Variants in CSMD1 observed in about 807,000 individuals in gnomAD.
CSMD1 encodes the protein CUB and sushi domain-containing protein 1.
CSMD1 carries 213 observed loss-of-function variants against 417.5 expected under a neutral mutation model. The observed-to-expected ratio is 0.51, with a 90% CI of 0.46 to 0.57. The LOEUF is 0.57. Ranked by LOEUF, CSMD1 falls within the 20% of genes least tolerant of loss-of-function variation. The probability of loss-of-function intolerance (pLI) is 0.00; values close to 1 mark genes in which losing one functional copy is unlikely to be tolerated. For missense variants in CSMD1, 6,923 were observed against 4,529.7 expected, an observed-to-expected ratio of 1.53 and a Z score of -15.17; for synonymous variants, 2,862 against 1,736.8, an observed-to-expected ratio of 1.65 and a Z score of -16.11.
chr8:3,613,291 T>C (rs1257806214), intron 8 of CSMD1: 3 of 422,596 alleles, frequency 7.1e-6, no homozygotes, highest in Middle Eastern at 7.2e-4. Context: ...TGTAAGAAAA[T>C]TCCAATTCCA....
intron 17 of CSMD1, among the ~76,000 whole-genome samples, chr8:3,394,378 G>A (rs888435685): frequency 6.6e-6 from 1 of 151,216 alleles, no homozygotes; most frequent in Middle Eastern, 3.2e-3. Context: ...TCCAGAAAGA[G>A]AAATAAGAAG....
intron 2 of CSMD1, among the ~76,000 whole-genome samples, chr8:4,608,573 G>C (rs1237960956): frequency 6.6e-6 from 1 of 152,190 alleles, no homozygotes; most frequent in Non-Finnish European, 1.5e-5. Flanking sequence ...CCATCGTCAA[G>C]ATAAGGGATG....
chr8:4,759,512 G>A (rs138128866), intron 1 of CSMD1, among the ~76,000 whole-genome samples: 7 of 152,240 alleles, frequency 4.6e-5, no homozygotes, highest in African/African-American at 1.7e-4. Flanking sequence ...CCATCACCTA[G>A]GTATTAAGCC....
intron 21 of CSMD1, among the ~76,000 whole-genome samples, chr8:3,356,601 G>T (rs978847643): frequency 6.6e-6 from 1 of 152,204 alleles, no homozygotes; most frequent in African/African-American, 2.4e-5. Flanking sequence ...CTTGAACCTG[G>T]GAGGCAGAGG....
chr8:3,104,659 C>T (rs903364239), intron 46 of CSMD1, among the ~76,000 whole-genome samples: 1 of 151,866 alleles, frequency 6.6e-6, no homozygotes. Context: ...GGAATCCTGC[C>T]TCATTCCAGA....
In CSMD1 at chr8:3,328,584, G is replaced by C. The variant is rs543878703; in HGVS notation, c.3631+14710C>G. On this transcript the variant is annotated intron_variant, in intron 23 of 69. Transcript: ENST00000635120. Reference sequence around the variant, plus strand: ...ACAGCAATGATCAGTTTCAATCCAAGTCGCTCCAATGTACATATAGTGGGC... The same window carrying C: ...ACAGCAATGATCAGTTTCAATCCAACTCGCTCCAATGTACATATAGTGGGC... 6.4e-4 allele frequency among the ~76,000 whole-genome samples: 97 copies of C among 152,272 alleles called. 2 individuals carry two copies. Among genetic ancestry groups the C allele is most frequent in the Admixed American group, 4.8e-3 (73 of 15,306 alleles).
rs1484850781 is a variant in CSMD1 at position 3,303,859 on chromosome 8, G to C, written c.3950+3836C>G. ...AGACTTTTAATTAAATTTGGCTCAG[G>C]TAACTGCTCTATAGCATACATGTTA... On this transcript the variant is annotated intron_variant, in intron 25 of 69. Transcript: ENST00000635120. Among the ~76,000 whole-genome samples the C allele has an allele frequency of 2.0e-5, 3 of 152,174 alleles. 1 individual carries two copies. Among genetic ancestry groups the C allele is most frequent in the Admixed American group, 2.0e-4 (3 of 15,268 alleles).
At chr8:3,605,751 A>G (rs1801581578) in intron 8 of CSMD1, among the ~76,000 whole-genome samples, 1 of 152,240 alleles carries the variant, frequency 6.6e-6, no homozygotes, top group Non-Finnish European at 1.5e-5. Flanking sequence ...CCAAGGACAT[A>G]CATTAACTAT....
Position 4,521,727 on chromosome 8 carries a change from A to G in CSMD1, c.303-101662T>C, listed in dbSNP as rs559862901. 3.3e-5 allele frequency among the ~76,000 whole-genome samples: 5 copies of G among 152,290 alleles called. No homozygotes were observed. The East Asian group carries it at 7.7e-4, about 24-fold the overall frequency. ...GTATAAGCCAAACATTTCAATAGAC[A>G]TAGCTCATAAGAACAGAAGGCATAG... is the stretch of plus-strand genomic sequence containing the variant. On this transcript the variant is annotated intron_variant, in intron 2 of 69. Transcript: ENST00000635120.
intron 2 of CSMD1, among the ~76,000 whole-genome samples, chr8:4,558,057 T>C (rs578130741): frequency 3.9e-5 from 6 of 152,316 alleles, no homozygotes; most frequent in African/African-American, 1.4e-4. Flanking sequence ...TATGTCATAC[T>C]GACTCAGCGA....
chr8:4,536,607 C>T (rs969210128), intron 2 of CSMD1, among the ~76,000 whole-genome samples: 24 of 152,290 alleles, frequency 1.6e-4, no homozygotes, highest in Admixed American at 1.6e-3. Flanking sequence ...AGTGGCTGCA[C>T]AAGTGGATAC....
intron 5 of CSMD1, among the ~76,000 whole-genome samples, chr8:3,817,688 C>T (rs924640888): frequency 3.3e-5 from 5 of 152,268 alleles, no homozygotes; most frequent in African/African-American, 9.6e-5. Flanking sequence ...GAACTTTCCA[C>T]TTCTCTACTC....
At chr8:4,072,761 C>T (rs963519563) in intron 3 of CSMD1, among the ~76,000 whole-genome samples, 1 of 152,128 alleles carries the variant, frequency 6.6e-6, no homozygotes, top group African/African-American at 2.4e-5. Context: ...TCTGCAATTC[C>T]TTCACATGGA....
chr8:4,543,712 G>A (rs1386649602), intron 2 of CSMD1, among the ~76,000 whole-genome samples: 6 of 124,744 alleles, frequency 4.8e-5, no homozygotes, highest in Admixed American at 9.5e-5. Flanking sequence ...CCACACCAAA[G>A]TGTCTTCCAA....
At chr8:4,024,095 T>A (rs1466703738) in intron 4 of CSMD1, among the ~76,000 whole-genome samples, 1 of 152,126 alleles carries the variant, frequency 6.6e-6, no homozygotes, top group Non-Finnish European at 1.5e-5. Context: ...GCAAGAATAT[T>A]CACATCTTAC....
At chr8:4,093,609 T>C (rs1800832882) in intron 3 of CSMD1, among the ~76,000 whole-genome samples, 1 of 152,152 alleles carries the variant, frequency 6.6e-6, no homozygotes, top group Non-Finnish European at 1.5e-5. Flanking sequence ...TTTTCCCTAT[T>C]TGAAAGTCGA....
At chr8:4,814,608 T>G (rs942037030) in intron 1 of CSMD1, among the ~76,000 whole-genome samples, 1 of 152,322 alleles carries the variant, frequency 6.6e-6, no homozygotes, top group East Asian at 1.9e-4. Flanking sequence ...TAAAGCTATA[T>G]TTTAATTAGT....
intron 5 of CSMD1, among the ~76,000 whole-genome samples, chr8:3,975,144 C>T (rs1337561549): frequency 6.6e-6 from 1 of 152,154 alleles, no homozygotes; most frequent in Non-Finnish European, 1.5e-5. Context: ...GGAATGCAAA[C>T]GAGAGGCATG....
chr8:4,627,314 C>T (rs578109043), intron 2 of CSMD1, among the ~76,000 whole-genome samples: 1 of 152,096 alleles, frequency 6.6e-6, no homozygotes. Flanking sequence ...CAAACTTGAT[C>T]ATCCACATAA....
Sources: gnomAD v4.1 joint callset for allele counts (sites outside exome capture counted in the v4.1 genomes callset) on GRCh38, gnomAD v4.1.1 for gene constraint, MANE v1.5 for transcripts, NCBI Gene and HGNC (gene_info 2026-07-23, HGNC 2026-07-21) for gene names.